The following AUTS2 variants were observed in gnomAD, a reference collection of about 807,000 sequenced individuals.
The protein encoded by AUTS2 is activator of transcription and developmental regulator AUTS2.
In AUTS2, 17 loss-of-function variants were observed where a neutral mutation model predicts 112.4. That is an observed-to-expected ratio of 0.15 (90% CI 0.10 to 0.23). The LOEUF (loss-of-function observed/expected upper bound fraction) is 0.23. Ranked by LOEUF, AUTS2 falls within the 10% of genes least tolerant of loss-of-function variation. The pLI, the probability that AUTS2 is intolerant of heterozygous loss-of-function variation, is 1.00. For synonymous variants in AUTS2, 751 were observed against 702.7 expected, an observed-to-expected ratio of 1.07 and a Z score of -1.09; for missense variants, 1,510 against 1,701.6, an observed-to-expected ratio of 0.89 and a Z score of 1.98.
chr7:70,100,457 C>A (rs1432093418), intron 2 of AUTS2, among the ~76,000 whole-genome samples: 1 of 150,512 alleles, frequency 6.6e-6, no homozygotes, highest in Non-Finnish European at 1.5e-5. Flanking sequence ...ACTTTAAGTT[C>A]TAGAGTACAT....
At chr7:69,844,434 A>C (rs1246622475) in intron 1 of AUTS2, among the ~76,000 whole-genome samples, 1 of 152,184 alleles carries the variant, frequency 6.6e-6, no homozygotes, top group Non-Finnish European at 1.5e-5. Context: ...TCATTCAGTG[A>C]GACATTTGGC....
chr7:69,915,527 G>GAAAAGGAA (rs1795541862), intron 2 of AUTS2, among the ~76,000 whole-genome samples: 1 of 152,056 alleles, frequency 6.6e-6, no homozygotes, highest in South Asian at 2.1e-4. Context: ...TTCTAGAAAT[G>GAAAAGGAA]GTTTTGCTTA....
intron 2 of AUTS2, among the ~76,000 whole-genome samples, chr7:70,030,087 A>G (rs1410845967): frequency 6.6e-6 from 1 of 152,198 alleles, no homozygotes; most frequent in Non-Finnish European, 1.5e-5. Flanking sequence ...GTTGTATCAC[A>G]TTCTCACACT....
chr7:69,831,129 A>G (rs1271187145), intron 1 of AUTS2, among the ~76,000 whole-genome samples: 1 of 152,142 alleles, frequency 6.6e-6, no homozygotes, highest in Non-Finnish European at 1.5e-5. Context: ...ACTCCCCAAG[A>G]AGGTTGGAAT....
intron 4 of AUTS2, among the ~76,000 whole-genome samples, chr7:70,154,966 G>A (rs765972731): frequency 2.4e-4 from 36 of 152,144 alleles, no homozygotes; most frequent in Non-Finnish European, 1.5e-4. Flanking sequence ...GCCCCCCTGG[G>A]ACCTGCTTTA....
chr7:70,311,003 C>T (rs1315686464), intron 4 of AUTS2, among the ~76,000 whole-genome samples: 1 of 152,020 alleles, frequency 6.6e-6, no homozygotes, highest in Admixed American at 6.6e-5. Context: ...ATTTTTGTGT[C>T]TCCAGTTTAA....
At chr7:70,777,676 AT>A (rs1434404511) in intron 14 of AUTS2, among the ~76,000 whole-genome samples, 7 of 152,336 alleles carry the variant, frequency 4.6e-5, no homozygotes, top group African/African-American at 1.4e-4. Flanking sequence ...CACTAGTGAA[AT>A]TACAAAACAA....
At chr7:70,298,936 G>C (rs577456268) in intron 4 of AUTS2, among the ~76,000 whole-genome samples, 2 of 152,324 alleles carry the variant, frequency 1.3e-5, no homozygotes, top group South Asian at 4.1e-4. Context: ...TTTAATGCCA[G>C]CCCACACGGG....
At chr7:70,136,849 A>G (rs995095928) in intron 4 of AUTS2, among the ~76,000 whole-genome samples, 3 of 152,178 alleles carry the variant, frequency 2.0e-5, no homozygotes, top group African/African-American at 7.2e-5. Flanking sequence ...CCCAAGCCCC[A>G]ACTTCACAGA....
intron 4 of AUTS2, among the ~76,000 whole-genome samples, chr7:70,327,720 C>T (rs1421441259): frequency 6.6e-6 from 1 of 152,176 alleles, no homozygotes; most frequent in Non-Finnish European, 1.5e-5. Flanking sequence ...TAGTCTAAGC[C>T]ATCTTCCTGC....
chr7:70,012,734 A>G (rs1799861103), intron 2 of AUTS2, among the ~76,000 whole-genome samples: 1 of 152,226 alleles, frequency 6.6e-6, no homozygotes, highest in South Asian at 2.1e-4. Context: ...GCTGACACTA[A>G]GAAAACATCT....
intron 18 of AUTS2, among the ~76,000 whole-genome samples, chr7:70,788,395 T>C (rs1405311680): frequency 6.6e-6 from 1 of 152,212 alleles, no homozygotes; most frequent in Non-Finnish European, 1.5e-5. Context: ...GAGGCCATCA[T>C]GCTGACTGAT....
chr7:70,094,855 A>G (rs1804108651), intron 2 of AUTS2, among the ~76,000 whole-genome samples: 1 of 152,184 alleles, frequency 6.6e-6, no homozygotes. Context: ...GTGGTAGCTT[A>G]GAGAAATTAT....
At chr7:69,998,436 T>G (rs1207195264) in intron 2 of AUTS2, among the ~76,000 whole-genome samples, 1 of 152,212 alleles carries the variant, frequency 6.6e-6, no homozygotes, top group African/African-American at 2.4e-5. Flanking sequence ...GTGGGAAAGC[T>G]GCCCTGCAAT....
intron 5 of AUTS2, among the ~76,000 whole-genome samples, chr7:70,601,970 C>T (rs1052664799): frequency 3.3e-5 from 5 of 151,998 alleles, no homozygotes; most frequent in African/African-American, 1.2e-4. Flanking sequence ...TGTAGGTGTC[C>T]TTAAATAGTC....
intron 4 of AUTS2, among the ~76,000 whole-genome samples, chr7:70,332,011 G>A (rs895242327): frequency 6.6e-6 from 1 of 152,104 alleles, no homozygotes; most frequent in Non-Finnish European, 1.5e-5. Flanking sequence ...AGGAAGAGAG[G>A]AAGTCAAATT....
intron 1 of AUTS2, among the ~76,000 whole-genome samples, chr7:69,870,489 TACAC>T (rs980463953): frequency 4.6e-5 from 2 of 43,342 alleles, no homozygotes; most frequent in Non-Finnish European, 1.0e-4. Context: ...TATACAGACA[TACAC>T]ACAGACATAT....
chr7:70,250,761 G>A (rs1340574478), intron 4 of AUTS2, among the ~76,000 whole-genome samples: 1 of 152,060 alleles, frequency 6.6e-6, no homozygotes, highest in Non-Finnish European at 1.5e-5. Flanking sequence ...ACCAACACAG[G>A]AACAGAAAAC....
At chr7:70,194,066 G>C (rs985502655) in intron 4 of AUTS2, among the ~76,000 whole-genome samples, 7 of 152,254 alleles carry the variant, frequency 4.6e-5, no homozygotes, top group African/African-American at 7.2e-5. Flanking sequence ...CCATCTCTTG[G>C]ATCTGGAAAG....
Sources: allele counts gnomAD v4.1 joint callset (sites outside exome capture counted in the v4.1 genomes callset), GRCh38; gene constraint gnomAD v4.1.1; transcripts MANE v1.5; gene names NCBI Gene and HGNC (gene_info 2026-07-23, HGNC 2026-07-21).